NAALADL2: variants seen among roughly 807,000 people sequenced by gnomAD.
NAALADL2 encodes inactive N-acetylated-alpha-linked acidic dipeptidase-like protein 2.
NAALADL2 carries 76 observed loss-of-function variants against 87.2 expected under a neutral mutation model. The ratio of observed to expected loss-of-function variants is 0.87; its 90% CI spans 0.72 to 1.05. NAALADL2 has a LOEUF of 1.05. Among genes scored for constraint, NAALADL2 ranks in the 50% least tolerant of loss-of-function variants. NAALADL2 has a pLI of 0.00. For missense variants in NAALADL2, 1,089 were observed against 945.8 expected (o/e 1.15, Z -1.99); for synonymous variants, 354 against 331.0 (o/e 1.07, Z -0.75).
intron 1 of NAALADL2, among the ~76,000 whole-genome samples, chr3:174,524,251 G>T (rs1720525770): frequency 6.6e-6 from 1 of 152,038 alleles, no homozygotes; most frequent in Non-Finnish European, 1.5e-5. Context: ...TCCTATCTTT[G>T]ATATATCAAG....
At chr3:175,534,331 C>G (rs1427280846) in intron 9 of NAALADL2, among the ~76,000 whole-genome samples, 2 of 152,038 alleles carry the variant, frequency 1.3e-5, no homozygotes, top group Non-Finnish European at 2.9e-5. Context: ...CACACTATCA[C>G]AAGGTCCCAC....
chr3:175,246,925 T>G (rs991840355), intron 3 of NAALADL2, among the ~76,000 whole-genome samples: 5 of 152,148 alleles, frequency 3.3e-5, no homozygotes, highest in African/African-American at 1.2e-4. Context: ...AAGTGATTGT[T>G]TTGCCTTTGC....
chr3:175,358,844 A>G (rs1764673616), intron 5 of NAALADL2, among the ~76,000 whole-genome samples: 1 of 152,108 alleles, frequency 6.6e-6, no homozygotes, highest in Admixed American at 6.6e-5. Context: ...CAAATTTGGC[A>G]CAATAAGTCA....
chr3:175,214,728 G>A (rs183219322), intron 2 of NAALADL2, among the ~76,000 whole-genome samples: 3 of 152,166 alleles, frequency 2.0e-5, no homozygotes, highest in Admixed American at 2.0e-4. Context: ...CTACTAAACT[G>A]GGTAACTTTA....
rs971668855 is a variant in NAALADL2 at position 175,197,072 on chromosome 3, G to A, written c.546-36859G>A. ...GCTGGAGAGAGAAAGTGCTCACACAGAGATGAGTAGCATTACATTACATTT... is the reference window on the plus strand; with the variant it reads ...GCTGGAGAGAGAAAGTGCTCACACAAAGATGAGTAGCATTACATTACATTT... On this transcript the variant is annotated intron_variant, in intron 2 of 13. Transcript: ENST00000454872. 2.6e-5 allele frequency among the ~76,000 whole-genome samples: 4 copies of A among 151,940 alleles called. No homozygotes were observed. In the East Asian group the frequency reaches 5.8e-4, roughly 22 times the overall value.
At chr3:174,478,390 C>G (rs954917298) in intron 1 of NAALADL2, among the ~76,000 whole-genome samples, 4 of 151,902 alleles carry the variant, frequency 2.6e-5, no homozygotes, top group Non-Finnish European at 5.9e-5. Context: ...ACACAAATAC[C>G]TAGAAACTAT....
chr3:175,145,365 A>G (rs937644521), intron 2 of NAALADL2, among the ~76,000 whole-genome samples: 1 of 152,104 alleles, frequency 6.6e-6, no homozygotes, highest in African/African-American at 2.4e-5. Flanking sequence ...AGTGACCTAC[A>G]TGGCAGTAGC....
intron 2 of NAALADL2, among the ~76,000 whole-genome samples, chr3:174,711,519 T>C (rs537118961): frequency 6.6e-6 from 1 of 152,328 alleles, no homozygotes; most frequent in South Asian, 2.1e-4. Flanking sequence ...TTTCAAATAC[T>C]TGGCTCTGGC....
At position 175,097,310 on chromosome 3, in the gene NAALADL2, G is replaced by A. The variant is rs77542929; in HGVS notation, c.545+19G>A. On this transcript the variant is annotated intron_variant, in intron 2 of 13. Transcript: ENST00000454872. ...CTTTCAGGTAGGTGAAGAAGAAACA[G>A]ATGTTGTTTGAATGCATTTCTTGGG... The A allele has an allele frequency of 1.9e-3, 3,047 of 1,587,086 alleles. 60 individuals carry two copies. The African/African-American group carries it at 0.036, about 19-fold the overall frequency.
intron 1 of NAALADL2, among the ~76,000 whole-genome samples, chr3:174,983,398 A>G (rs1745389837): frequency 6.6e-6 from 1 of 152,170 alleles, no homozygotes; most frequent in African/African-American, 2.4e-5. Context: ...TAAAGAAGGT[A>G]GTTGAGGATA....
intron 5 of NAALADL2, among the ~76,000 whole-genome samples, chr3:175,406,851 T>G (rs916844433): frequency 6.6e-6 from 1 of 152,076 alleles, no homozygotes; most frequent in African/African-American, 2.4e-5. Context: ...CCTGGTTCAG[T>G]TTTATTCAAA....
chr3:174,752,530 G>A (rs549957663), intron 3 of NAALADL2, among the ~76,000 whole-genome samples: 9 of 150,932 alleles, frequency 6.0e-5, no homozygotes, highest in Non-Finnish European at 1.0e-4. Flanking sequence ...TTCTTTAATC[G>A]TTTATAATTT....
chr3:174,550,308 A>T (rs538959039), intron 1 of NAALADL2, among the ~76,000 whole-genome samples: 1 of 152,162 alleles, frequency 6.6e-6, no homozygotes, highest in South Asian at 2.1e-4. Context: ...TTTTATGAAT[A>T]AAAAATATGG....
chr3:175,368,562 G>GTGT (rs1765989434), intron 5 of NAALADL2, among the ~76,000 whole-genome samples: 4 of 147,048 alleles, frequency 2.7e-5, no homozygotes, highest in Non-Finnish European at 4.5e-5. Flanking sequence ...GACTGTAGCA[G>GTGT]GTGTGTGTGA....
At chr3:174,725,205 C>T (rs924704367) in intron 2 of NAALADL2, among the ~76,000 whole-genome samples, 1 of 152,136 alleles carries the variant, frequency 6.6e-6, no homozygotes, top group Non-Finnish European at 1.5e-5. Context: ...TCTCACTTAA[C>T]CATGAGTAAA....
intron 13 of NAALADL2, among the ~76,000 whole-genome samples, chr3:175,781,818 G>C (rs1437277168): frequency 6.6e-6 from 1 of 151,468 alleles, no homozygotes; most frequent in South Asian, 2.1e-4. Flanking sequence ...CCACTAACTC[G>C]TCATCTAGCA....
intron 9 of NAALADL2, among the ~76,000 whole-genome samples, chr3:175,547,446 A>G (rs976829255): frequency 3.9e-5 from 6 of 152,160 alleles, no homozygotes; most frequent in Non-Finnish European, 5.9e-5. Flanking sequence ...ACCCAAAACT[A>G]TGAAAACCCT....
intron 1 of NAALADL2, among the ~76,000 whole-genome samples, chr3:174,993,202 C>A (rs142704920): frequency 2.6e-5 from 4 of 151,028 alleles, no homozygotes; most frequent in Admixed American, 1.3e-4. Context: ...TAGTAAGAGC[C>A]GTAGAAAAGA....
chr3:175,397,870 C>A (rs1770015663), intron 5 of NAALADL2, among the ~76,000 whole-genome samples: 1 of 151,910 alleles, frequency 6.6e-6, no homozygotes, highest in Admixed American at 6.6e-5. Flanking sequence ...GGCCTTTTTG[C>A]TTTATAGGGG....
Sources: allele counts gnomAD v4.1 joint callset (sites outside exome capture counted in the v4.1 genomes callset), GRCh38; gene constraint gnomAD v4.1.1; transcripts MANE v1.5; gene names NCBI Gene and HGNC (gene_info 2026-07-23, HGNC 2026-07-21).